N4BP2: variants seen among roughly 807,000 people sequenced by gnomAD.
N4BP2 encodes NEDD4 binding protein 2.
Under a neutral mutation model 152.8 loss-of-function variants are expected in N4BP2, and 91 were observed. The observed-to-expected ratio is 0.60, with a 90% CI of 0.50 to 0.71. The LOEUF (loss-of-function observed/expected upper bound fraction) is 0.71, where lower values mean the gene tolerates loss of function less well. N4BP2 is among the 30% of genes least tolerant of loss of function. The probability of loss-of-function intolerance (pLI) is 0.00; values close to 1 mark genes in which losing one functional copy is unlikely to be tolerated. For synonymous variants in N4BP2, 646 were observed against 705.3 expected (o/e 0.92, Z 1.33); for missense variants, 1,923 against 2,059.1 (o/e 0.93, Z 1.28).
chr4:40,064,496 A>G (rs1240372492), intron 1 of N4BP2, among the ~76,000 whole-genome samples: 1 of 151,982 alleles, frequency 6.6e-6, no homozygotes, highest in Non-Finnish European at 1.5e-5. Flanking sequence ...GCTGGTCTCA[A>G]ACTCCCGACC....
intron 1 of N4BP2, among the ~76,000 whole-genome samples, chr4:40,057,918 A>G (rs1733348472): frequency 6.6e-6 from 1 of 152,166 alleles, no homozygotes; most frequent in Non-Finnish European, 1.5e-5. Context: ...GTTTGTACAC[A>G]TTCTCGCCAT....
intron 16 of N4BP2, among the ~76,000 whole-genome samples, chr4:40,150,775 A>G (rs1245656703): frequency 6.6e-6 from 1 of 152,222 alleles, no homozygotes; most frequent in African/African-American, 2.4e-5. Context: ...TACTTAAGAA[A>G]TATATCAATC....
intron 3 of N4BP2, chr4:40,099,918 G>A (rs529389613): frequency 0.017 from 585 of 33,528 alleles, 5 homozygotes; most frequent in Non-Finnish European, 0.019. Context: ...GCCCACCCCC[G>A]CCACCTTTTT....
chr4:40,071,409 A>G (rs1405776998), intron 1 of N4BP2, among the ~76,000 whole-genome samples: 1 of 152,178 alleles, frequency 6.6e-6, no homozygotes, highest in African/African-American at 2.4e-5. Context: ...TTTCTAGTTA[A>G]GAGGCATATA....
chr4:40,175,500 A>G, the N4BP2 span, among the ~76,000 whole-genome samples: 1 of 152,170 alleles, frequency 6.6e-6, no homozygotes, highest in South Asian at 2.1e-4. Context: ...TGAGAACTGT[A>G]GGTAATAATA....
the N4BP2 span, among the ~76,000 whole-genome samples, chr4:40,186,682 A>G: frequency 3.3e-5 from 5 of 152,216 alleles, no homozygotes; most frequent in Non-Finnish European, 7.3e-5. Context: ...GTATATTGTG[A>G]GCATGTTCCC....
chr4:40,164,484 T>C, the N4BP2 span, among the ~76,000 whole-genome samples: 1 of 152,116 alleles, frequency 6.6e-6, no homozygotes, highest in East Asian at 1.9e-4. Flanking sequence ...GAGAGGAAGA[T>C]TGAAAGCCAG....
chr4:40,082,387 G>C (rs75087390), intron 2 of N4BP2, among the ~76,000 whole-genome samples: 2,719 of 151,848 alleles, frequency 0.018, 102 homozygotes, highest in African/African-American at 0.062. Flanking sequence ...AACAATCCTG[G>C]GTTCAGCTTA....
chr4:40,078,317 T>A (rs2109912080), intron 2 of N4BP2, among the ~76,000 whole-genome samples: 1 of 152,078 alleles, frequency 6.6e-6, no homozygotes, highest in East Asian at 1.9e-4. Flanking sequence ...TTTGTATCTT[T>A]AGTAGAGACA....
At chr4:40,146,059 G>C (rs1391239412) in intron 16 of N4BP2, among the ~76,000 whole-genome samples, 1 of 152,082 alleles carries the variant, frequency 6.6e-6, no homozygotes, top group Non-Finnish European at 1.5e-5. Flanking sequence ...CCACTTGGGA[G>C]GCTGAGGCAG....
intron 2 of N4BP2, among the ~76,000 whole-genome samples, chr4:40,085,059 C>G (rs558967121): frequency 4.6e-5 from 7 of 151,494 alleles, no homozygotes; most frequent in Admixed American, 2.0e-4. Flanking sequence ...ATTACAGGTG[C>G]CCACTACCAC....
chr4:40,108,613 A>G (rs182697460), intron 5 of N4BP2, among the ~76,000 whole-genome samples: 259 of 146,924 alleles, frequency 1.8e-3, no homozygotes, highest in African/African-American at 6.0e-3. Flanking sequence ...TACGCCTGGC[A>G]ATTGGTTTAC....
intron 1 of N4BP2, among the ~76,000 whole-genome samples, chr4:40,072,505 A>G (rs756920196): frequency 2.0e-5 from 3 of 151,512 alleles, no homozygotes; most frequent in Middle Eastern, 3.4e-3. Flanking sequence ...CGGCCTCCCA[A>G]CGTGCTGGGA....
intron 2 of N4BP2, among the ~76,000 whole-genome samples, chr4:40,094,329 A>G (rs1354753329): frequency 6.6e-6 from 1 of 151,826 alleles, no homozygotes; most frequent in African/African-American, 2.4e-5. Context: ...TGTTGGGTGG[A>G]GTGTTCTGTA....
chr4:40,186,654 T>C, the N4BP2 span, among the ~76,000 whole-genome samples: 11 of 152,264 alleles, frequency 7.2e-5, no homozygotes, highest in Non-Finnish European at 1.3e-4. Flanking sequence ...TTTTGTAACC[T>C]GCTTTTTTCA....
chr4:40,121,755 A>C lies in N4BP2; in HGVS notation c.3644A>C (p.Glu1215Ala). ...AGAGCTGTCACTCCTGAAAACCATG[A>C]ATCGATGACAAGTATATTTCCCAGT... ...EMRAVTPENHESMTSIFPSAA... is the reference protein window; with the variant it reads ...EMRAVTPENHASMTSIFPSAA... Residue 1215 changes from glutamate (E) to alanine (A), a missense_variant, in exon 9 of 18, where the codon GAA (glutamate) becomes GCA (alanine). Glu to Ala is a moderately radical substitution (Grantham distance 107). Coordinates refer to ENST00000261435, the MANE Select transcript of N4BP2 (RefSeq NM_018177.6). 1.2e-6 allele frequency: 2 copies of C among 1,613,940 alleles called. No individual in the cohort carries two copies. The highest frequency in any genetic ancestry group is 1.7e-6 in the Non-Finnish European group (2 of 1,179,988).
chr4:40,137,928 G>C (rs963267354), intron 14 of N4BP2, among the ~76,000 whole-genome samples: 1 of 152,192 alleles, frequency 6.6e-6, no homozygotes, highest in Non-Finnish European at 1.5e-5. Flanking sequence ...CATTAAAGGA[G>C]GAAGTTGGAG....
At chr4:40,109,575 G>C (rs765712060) in intron 5 of N4BP2, among the ~76,000 whole-genome samples, 43 of 151,970 alleles carry the variant, frequency 2.8e-4, no homozygotes, top group Non-Finnish European at 5.1e-4. Context: ...AAAATTAACC[G>C]GGCATGGTGG....
chr4:40,142,764 C>T lies in N4BP2; in HGVS notation c.4877C>T (p.Ala1626Val), dbSNP rs199889967. ...YPDYDDYRAE[A>V]FLHQQKRMEC... ...GACTATGATGACTACAGAGCAGAGG[C>T]TTTCCTTCACCAACAGAAGAGGATG... The change falls in exon 15 of 18, where the codon GCT becomes GTT. Residue 1626 changes from alanine (A) to valine (V), a missense_variant. By Grantham distance (64) the Ala-to-Val change is moderately conservative. Coordinates refer to ENST00000261435, the MANE Select transcript of N4BP2 (RefSeq NM_018177.6). 2 of 1,614,042 alleles carry T rather than the reference C, an allele frequency of 1.2e-6. No homozygotes were observed. Among genetic ancestry groups the T allele is most frequent in the Non-Finnish European group, 1.7e-6 (2 of 1,179,952 alleles).
Sources: allele counts gnomAD v4.1 joint callset (sites outside exome capture counted in the v4.1 genomes callset), GRCh38; gene constraint gnomAD v4.1.1; transcripts MANE v1.5; gene names NCBI Gene and HGNC (gene_info 2026-07-23, HGNC 2026-07-21).